CDH4: variants seen among roughly 807,000 people sequenced by gnomAD.
CDH4 encodes the protein cadherin-4.
Under a neutral mutation model 86.0 loss-of-function variants are expected in CDH4, and 33 were observed. The ratio of observed to expected loss-of-function variants is 0.38; its 90% confidence interval spans 0.29 to 0.51. The LOEUF (loss-of-function observed/expected upper bound fraction) is 0.51. Ranked by LOEUF, CDH4 falls within the 20% of genes least tolerant of loss-of-function variation. The pLI is 0.86. For synonymous variants in CDH4, 555 were observed against 549.4 expected (o/e 1.01, Z -0.14); for missense variants, 1,114 against 1,307.4 (o/e 0.85, Z 2.28).
At chr20:61,804,865 G>A (rs1370341503) in intron 4 of CDH4, among the ~76,000 whole-genome samples, 10 of 152,238 alleles carry the variant, frequency 6.6e-5, no homozygotes, top group Admixed American at 6.5e-4. Context: ...AGTGAAAAGT[G>A]CAAGATTTAT....
intron 4 of CDH4, among the ~76,000 whole-genome samples, chr20:61,797,647 C>T (rs555626330): frequency 2.0e-5 from 3 of 152,198 alleles, no homozygotes; most frequent in East Asian, 1.9e-4. Context: ...AATTGCCAGG[C>T]GTGGTGGGGC....
At chr20:61,279,315 G>A (rs2084246260) in intron 2 of CDH4, among the ~76,000 whole-genome samples, 1 of 152,164 alleles carries the variant, frequency 6.6e-6, no homozygotes, top group Non-Finnish European at 1.5e-5. Flanking sequence ...AGAACTCATT[G>A]GCCCTCCTTC....
At chr20:61,598,591 A>G (rs1309893600) in intron 2 of CDH4, among the ~76,000 whole-genome samples, 2 of 152,108 alleles carry the variant, frequency 1.3e-5, no homozygotes, top group Non-Finnish European at 2.9e-5. Context: ...ACCCCTTTCC[A>G]GAATCGCGTG....
chr20:61,764,474 A>G (rs1250101939), intron 3 of CDH4, among the ~76,000 whole-genome samples: 1 of 152,172 alleles, frequency 6.6e-6, no homozygotes. Flanking sequence ...GGAAGCCTGT[A>G]CAGAGAGACC....
chr20:61,466,686 C>T (rs546647859), intron 2 of CDH4, among the ~76,000 whole-genome samples: 1 of 152,038 alleles, frequency 6.6e-6, no homozygotes, highest in South Asian at 2.1e-4. Flanking sequence ...CCTACCTATA[C>T]AAAAGTATTA....
intron 2 of CDH4, among the ~76,000 whole-genome samples, chr20:61,642,416 G>A (rs192645445): frequency 6.6e-6 from 1 of 152,146 alleles, no homozygotes; most frequent in Admixed American, 6.5e-5. Context: ...TGGGCAGCAG[G>A]TGTGGGCAGG....
chr20:61,799,778 G>T (rs930464304), intron 4 of CDH4, among the ~76,000 whole-genome samples: 3 of 152,192 alleles, frequency 2.0e-5, no homozygotes, highest in Non-Finnish European at 4.4e-5. Context: ...CCCGGTCACA[G>T]CGGTAACAGA....
intron 2 of CDH4, among the ~76,000 whole-genome samples, chr20:61,679,167 G>T (rs954950543): frequency 6.6e-6 from 1 of 152,174 alleles, no homozygotes; most frequent in Non-Finnish European, 1.5e-5. Flanking sequence ...GCATGGCCTG[G>T]TGTTTGCAGT....
At chr20:61,390,701 T>A (rs1212129392) in intron 2 of CDH4, among the ~76,000 whole-genome samples, 1 of 151,578 alleles carries the variant, frequency 6.6e-6, no homozygotes, top group South Asian at 2.1e-4. Context: ...AGGGTGCCCA[T>A]AGCACCGTGT....
intron 4 of CDH4, among the ~76,000 whole-genome samples, chr20:61,836,718 T>C (rs12624443): frequency 0.41 from 62,916 of 152,198 alleles, 15,989 homozygotes; most frequent in Non-Finnish European, 0.58. Context: ...GTCCAATTAA[T>C]TTTATGAGAA....
chr20:61,360,391 G>A (rs1326315123), intron 2 of CDH4, among the ~76,000 whole-genome samples: 5 of 152,286 alleles, frequency 3.3e-5, no homozygotes, highest in African/African-American at 9.6e-5. Context: ...GGAGAGAGCC[G>A]CGGTCAGGAT....
At chr20:61,905,483 G>C (rs994589269) in intron 8 of CDH4, among the ~76,000 whole-genome samples, 1 of 152,150 alleles carries the variant, frequency 6.6e-6, no homozygotes, top group Admixed American at 6.5e-5. Flanking sequence ...AGAGACAGAC[G>C]CTACAGAGGA....
intron 7 of CDH4, among the ~76,000 whole-genome samples, chr20:61,875,821 T>C (rs1159759160): frequency 6.6e-6 from 1 of 152,176 alleles, no homozygotes. Flanking sequence ...TCAGGAGTGC[T>C]GTTAGTGAGG....
At chr20:61,849,280 C>T (rs1483386937) in intron 5 of CDH4, among the ~76,000 whole-genome samples, 15 of 152,250 alleles carry the variant, frequency 9.9e-5, no homozygotes, top group South Asian at 2.1e-4. Flanking sequence ...AGTGTGACCC[C>T]AACTCCGGAT....
intron 2 of CDH4, among the ~76,000 whole-genome samples, chr20:61,283,828 GA>G (rs560277770): frequency 4.2e-4 from 64 of 152,360 alleles, no homozygotes; most frequent in African/African-American, 1.5e-3. Flanking sequence ...CGATGTTTCA[GA>G]AAGGTGGTGC....
chr20:61,682,086 C>A (rs930120816), intron 2 of CDH4, among the ~76,000 whole-genome samples: 2 of 152,174 alleles, frequency 1.3e-5, no homozygotes, highest in African/African-American at 4.8e-5. Flanking sequence ...CCAGTCCCTG[C>A]CTTTATGACA....
chr20:61,350,720 C>CG (rs1439576328), intron 2 of CDH4, among the ~76,000 whole-genome samples: 39 of 152,338 alleles, frequency 2.6e-4, no homozygotes, highest in Admixed American at 4.6e-4. Flanking sequence ...GAGGCCCCCC[C>CG]CCAGTGCTAA....
In CDH4 at chr20:61,541,552, G is replaced by A. The variant is rs373837115; in HGVS notation, c.170-202011G>A. Among the ~76,000 whole-genome samples the A allele has an allele frequency of 7.9e-4, 120 of 152,296 alleles. 2 individuals carry two copies. In the South Asian group the frequency reaches 8.5e-3, roughly 11 times the overall value. On this transcript the variant is annotated intron_variant, in intron 2 of 15. Coordinates refer to ENST00000614565, the MANE Select transcript of CDH4 (RefSeq NM_001794.5). ...TTAGCCGATGTCACTACTTTACCAC[G>A]TGAGCTGCAGGTTTGTAAAAGGAAT...
intron 2 of CDH4, among the ~76,000 whole-genome samples, chr20:61,568,421 G>C (rs2086316579): frequency 6.6e-6 from 1 of 152,200 alleles, no homozygotes; most frequent in Non-Finnish European, 1.5e-5. Flanking sequence ...CTTCTGCCAT[G>C]ATTGTAAGTT....
Sources: gnomAD v4.1 joint callset for allele counts (sites outside exome capture counted in the v4.1 genomes callset) on GRCh38, gnomAD v4.1.1 for gene constraint, MANE v1.5 for transcripts, NCBI Gene and HGNC (gene_info 2026-07-23, HGNC 2026-07-21) for gene names.